FYB2: variants seen among roughly 807,000 people sequenced by gnomAD.
FYB2 encodes the protein FYN-binding protein 2.
Under a neutral mutation model 94.1 loss-of-function variants are expected in FYB2, and 103 were observed. The observed-to-expected ratio is 1.09, with a 90% CI of 0.93 to 1.29. The LOEUF is 1.29. FYB2 is among the 50% of genes most tolerant of loss of function. FYB2 has a pLI of 0.00. For synonymous variants in FYB2, 293 were observed against 287.9 expected (o/e 1.02, Z -0.18); for missense variants, 896 against 841.5 (o/e 1.06, Z -0.80).
At chr1:56,796,583 C>T (rs771860687) in intron 1 of FYB2, among the ~76,000 whole-genome samples, 7 of 152,162 alleles carry the variant, frequency 4.6e-5, no homozygotes, top group African/African-American at 1.2e-4. Flanking sequence ...AAGTCCCTTA[C>T]GTGTTTTAAA....
intron 5 of FYB2, 133 bp downstream of exon 5, chr1:56,767,696 G>T: frequency 1.5e-6 from 1 of 679,072 alleles, no homozygotes; most frequent in Non-Finnish European, 2.5e-6. Context: ...AAAAAAAAAA[G>T]AAAAAGAAAT....
At chr1:56,777,974 A>T (rs949313795) in intron 4 of FYB2, among the ~76,000 whole-genome samples, 16 of 152,110 alleles carry the variant, frequency 1.1e-4, no homozygotes, top group Non-Finnish European at 1.6e-4. Flanking sequence ...TTTTAAAAAA[A>T]GAACCACTAA....
chr1:56,776,222 C>T (rs2100864573), intron 4 of FYB2, among the ~76,000 whole-genome samples: 1 of 152,230 alleles, frequency 6.6e-6, no homozygotes, highest in East Asian at 1.9e-4. Flanking sequence ...CAATATTTTT[C>T]CAACCTTTGT....
chr1:56,806,489 C>T (rs1009309929), intron 1 of FYB2, among the ~76,000 whole-genome samples: 1 of 152,024 alleles, frequency 6.6e-6, no homozygotes, highest in Non-Finnish European at 1.5e-5. Flanking sequence ...AGAAATAGGG[C>T]TAGGGTGGCC....
At chr1:56,821,891 G>C (rs977090497), upstream of FYB2, among the ~76,000 whole-genome samples, 1 of 152,206 alleles carries the variant, frequency 6.6e-6, no homozygotes, top group African/African-American at 2.4e-5. Context: ...TGTGGGGAAA[G>C]TTTTGGATGG....
intron 7 of FYB2, 105 bp downstream of exon 7, chr1:56,755,791 G>C (rs915023025): frequency 8.8e-7 from 1 of 1,136,572 alleles, no homozygotes. Flanking sequence ...ACTGAACCAG[G>C]CTAGCTCAGT....
intron 1 of FYB2, among the ~76,000 whole-genome samples, chr1:56,797,510 C>T (rs562946206): frequency 4.6e-5 from 7 of 152,228 alleles, no homozygotes; most frequent in African/African-American, 1.2e-4. Flanking sequence ...GGAACTACCA[C>T]GCCCAGGCAC....
chr1:56,764,143 G>A (rs777200743), intron 5 of FYB2, among the ~76,000 whole-genome samples: 2 of 151,848 alleles, frequency 1.3e-5, no homozygotes, highest in Non-Finnish European at 2.9e-5. Flanking sequence ...TAGTAGAGAC[G>A]AGGTTTCACC....
At chr1:56,776,064 G>T (rs529409002) in intron 4 of FYB2, among the ~76,000 whole-genome samples, 217 of 152,256 alleles carry the variant, frequency 1.4e-3, no homozygotes, top group Non-Finnish European at 2.7e-3. Flanking sequence ...GCAGAGGTGG[G>T]TCTGGAAACC....
intron 4 of FYB2, among the ~76,000 whole-genome samples, chr1:56,773,480 T>TCTTG (rs1408091323): frequency 1.3e-5 from 2 of 152,188 alleles, no homozygotes; most frequent in African/African-American, 2.4e-5. Context: ...GGCTGTGTGG[T>TCTTG]CTTGAGCAGT....
At chr1:56,736,424 C>CTTTT (rs59242700) in intron 15 of FYB2, among the ~76,000 whole-genome samples, 3,602 of 119,830 alleles carry the variant, frequency 0.03, 203 homozygotes, top group African/African-American at 0.082. Context: ...TTAAGGATGG[C>CTTTT]TTTTTTTTTT....
At chr1:56,796,188 C>T (rs1219437661) in intron 1 of FYB2, among the ~76,000 whole-genome samples, 1 of 152,124 alleles carries the variant, frequency 6.6e-6, no homozygotes, top group Non-Finnish European at 1.5e-5. Context: ...TCCGAAGCCC[C>T]TTCCAGCACT....
chr1:56,788,806 A>G, intron 3 of FYB2, 167 bp downstream of exon 3: 3 of 939,492 alleles, frequency 3.2e-6, no homozygotes, highest in Non-Finnish European at 4.9e-6. Flanking sequence ...CAATTCCCAC[A>G]GAGACATCGT....
the FYB2 span, among the ~76,000 whole-genome samples, chr1:56,826,054 G>A: frequency 6.6e-6 from 1 of 152,204 alleles, no homozygotes; most frequent in African/African-American, 2.4e-5. Flanking sequence ...CATTCCCACA[G>A]TGGGTGCCCG....
rs1320880062 is a variant in FYB2, at chr1:56,819,207, G to A, written c.9+75C>T. The A allele has an allele frequency of 2.5e-6, 4 of 1,604,414 alleles. No homozygotes were observed. In the East Asian group the frequency reaches 8.9e-5, roughly 36 times the overall value. ...CACACACAAGCAGTTTTTCCCCAGG[G>A]CTCTCAAGTGGGAGGAACTTGTCCT... On this transcript the variant is annotated intron_variant, in intron 1 of 19. Transcript: ENST00000343433.
chr1:56,740,143 T>G (rs1355436132), intron 13 of FYB2, among the ~76,000 whole-genome samples: 3 of 152,008 alleles, frequency 2.0e-5, no homozygotes, highest in Non-Finnish European at 4.4e-5. Context: ...CTCTTTCTAG[T>G]GCTAGTGAAT....
At chr1:56,818,378 A>G (rs949284967) in intron 1 of FYB2, among the ~76,000 whole-genome samples, 1 of 151,580 alleles carries the variant, frequency 6.6e-6, no homozygotes, top group African/African-American at 2.4e-5. Flanking sequence ...TTTAAAACCA[A>G]ACTTGTGGGT....
intron 12 of FYB2, among the ~76,000 whole-genome samples, chr1:56,741,830 T>C (rs1644959976): frequency 6.6e-6 from 1 of 152,084 alleles, no homozygotes; most frequent in African/African-American, 2.4e-5. Context: ...GCAAGTTTTA[T>C]TAATATTTAC....
At chr1:56,762,985 T>C (rs1223632563) in intron 5 of FYB2, among the ~76,000 whole-genome samples, 1 of 152,230 alleles carries the variant, frequency 6.6e-6, no homozygotes, top group Non-Finnish European at 1.5e-5. Flanking sequence ...TTAAATTATT[T>C]TCTGCACAGA....
Sources: allele counts gnomAD v4.1 joint callset (sites outside exome capture counted in the v4.1 genomes callset), GRCh38; gene constraint gnomAD v4.1.1; transcripts MANE v1.5; gene names NCBI Gene and HGNC (gene_info 2026-07-23, HGNC 2026-07-21).